The following DOCK4 variants were observed in gnomAD, a reference collection of about 807,000 sequenced individuals.
DOCK4 encodes dedicator of cytokinesis protein 4.
In DOCK4, 97 loss-of-function variants were observed where a neutral mutation model predicts 268.1. The observed-to-expected ratio is 0.36, with a 90% CI of 0.31 to 0.43. DOCK4 has a LOEUF of 0.43. Among genes scored for constraint, DOCK4 ranks in the 20% least tolerant of loss-of-function variants. The pLI, the probability that DOCK4 is intolerant of heterozygous loss-of-function variation, is 1.00. For missense variants in DOCK4, 2,145 were observed against 2,455.7 expected (o/e 0.87, Z 2.67); for synonymous variants, 954 against 887.2 (o/e 1.08, Z -1.34).
At chr7:111,789,049 G>T in intron 31 of DOCK4, 1 of 390,706 alleles carries the variant, frequency 2.6e-6, no homozygotes. Context: ...TTTTTTAGGA[G>T]CTAAAAAACT....
At chr7:112,098,466 A>G (rs1404992920) in intron 1 of DOCK4, among the ~76,000 whole-genome samples, 1 of 151,490 alleles carries the variant, frequency 6.6e-6, no homozygotes, top group Admixed American at 6.6e-5. Context: ...TGCAAGCCAC[A>G]GCGTCCAGCC....
At chr7:112,131,634 A>G (rs1396565320) in intron 1 of DOCK4, among the ~76,000 whole-genome samples, 2 of 152,196 alleles carry the variant, frequency 1.3e-5, no homozygotes, top group East Asian at 1.9e-4. Flanking sequence ...TGATACATAC[A>G]TTATTTATTC....
intron 23 of DOCK4, among the ~76,000 whole-genome samples, chr7:111,861,566 G>A (rs1259097432): frequency 6.6e-6 from 1 of 151,786 alleles, no homozygotes; most frequent in African/African-American, 2.4e-5. Flanking sequence ...GGCCAACATG[G>A]TGAAACCCCA....
chr7:111,838,515 A>G (rs1024380917), intron 25 of DOCK4, among the ~76,000 whole-genome samples: 1 of 152,226 alleles, frequency 6.6e-6, no homozygotes, highest in African/African-American at 2.4e-5. Context: ...AATAAGGATG[A>G]AACTCAAATA....
intron 12 of DOCK4, among the ~76,000 whole-genome samples, chr7:111,933,552 C>A (rs1794449424): frequency 1.3e-5 from 2 of 151,910 alleles, no homozygotes; most frequent in African/African-American, 4.8e-5. Flanking sequence ...GCCTTGGCCT[C>A]CCAAAGTGCT....
At chr7:111,791,592 G>A (rs574419022) in intron 30 of DOCK4, among the ~76,000 whole-genome samples, 5 of 152,048 alleles carry the variant, frequency 3.3e-5, no homozygotes, top group Admixed American at 1.3e-4. Flanking sequence ...GGATTTACAG[G>A]CACATGACAC....
chr7:111,903,570 A>G (rs1050412488), intron 13 of DOCK4, among the ~76,000 whole-genome samples: 4 of 152,152 alleles, frequency 2.6e-5, no homozygotes, highest in Non-Finnish European at 4.4e-5. Flanking sequence ...TAGACTTTCT[A>G]TTTCACTTGA....
chr7:111,741,348 A>G, intron 46 of DOCK4, 134 bp from the exon 47 acceptor site: 1 of 1,428,482 alleles, frequency 7.0e-7, no homozygotes, highest in Non-Finnish European at 9.5e-7. Flanking sequence ...AATATAATCA[A>G]ATGTTTGAGT....
intron 8 of DOCK4, among the ~76,000 whole-genome samples, chr7:111,959,414 T>A (rs374456449): frequency 6.6e-6 from 1 of 152,208 alleles, no homozygotes; most frequent in Non-Finnish European, 1.5e-5. Flanking sequence ...ATGCCCATGA[T>A]TGATGTTCAA....
chr7:111,978,133 C>T (rs907498664), intron 7 of DOCK4, among the ~76,000 whole-genome samples: 1 of 152,234 alleles, frequency 6.6e-6, no homozygotes, highest in African/African-American at 2.4e-5. Context: ...CACACCTTCA[C>T]AGAGCATCTA....
chr7:111,743,076 T>C (rs78023362), intron 44 of DOCK4, among the ~76,000 whole-genome samples: 3,827 of 152,172 alleles, frequency 0.025, 125 homozygotes, highest in African/African-American at 0.069. Context: ...GAGCAGGTCC[T>C]ACTTAAAAAA....
intron 1 of DOCK4, among the ~76,000 whole-genome samples, chr7:112,148,744 G>A (rs1815754211): frequency 6.6e-6 from 1 of 152,036 alleles, no homozygotes; most frequent in African/African-American, 2.4e-5. Flanking sequence ...GGGCTTTTTG[G>A]TTAAGAGCCC....
chr7:112,121,494 T>C (rs562384315), intron 1 of DOCK4, among the ~76,000 whole-genome samples: 5 of 152,324 alleles, frequency 3.3e-5, no homozygotes, highest in African/African-American at 1.2e-4. Context: ...CCACTTTATG[T>C]TCTCTCGGTC....
chr7:111,741,204 A>T lies in DOCK4; in HGVS notation c.4930T>A (p.Tyr1644Asn), dbSNP rs762671421. Residue 1644 changes from tyrosine (Y) to asparagine (N), a missense_variant, in exon 47 of 53, where the codon TAC becomes AAC. Tyr to Asn is a moderately radical substitution (Grantham distance 143). Transcript: ENST00000428084. ...RVIPRRSPLS[Y>N]PAVNRYSSSS... is the part of the protein sequence containing the mutation. Reference sequence around the variant, plus strand: ...GAAGAATATCGGTTGACAGCTGGGTAACTTAACGGGCTGTTTCAGGGGGAA... The same window carrying T: ...GAAGAATATCGGTTGACAGCTGGGTTACTTAACGGGCTGTTTCAGGGGGAA... 2 of 1,613,798 alleles carry T rather than the reference A, an allele frequency of 1.2e-6. No homozygotes were observed. The highest frequency in any genetic ancestry group is 1.7e-6 in the Non-Finnish European group (2 of 1,179,890).
At chr7:111,875,624 G>A (rs189467316) in intron 17 of DOCK4, among the ~76,000 whole-genome samples, 46 of 152,366 alleles carry the variant, frequency 3.0e-4, no homozygotes, top group Non-Finnish European at 4.4e-4. Flanking sequence ...ATGTAAGATG[G>A]TCATAGTCAG....
chr7:111,938,730 T>C (rs911003908), intron 11 of DOCK4, among the ~76,000 whole-genome samples: 1 of 152,186 alleles, frequency 6.6e-6, no homozygotes, highest in Non-Finnish European at 1.5e-5. Context: ...TAAGACCTTA[T>C]TTGAAAGAGC....
rs146425239 is a variant in DOCK4 at position 111,931,665 on chromosome 7, T to G, written c.1066+3875A>C. Among the ~76,000 whole-genome samples the G allele has an allele frequency of 4.0e-3, 602 of 152,292 alleles. 2 individuals carry two copies. Among genetic ancestry groups the G allele is most frequent in the African/African-American group, 0.014 (573 of 41,560 alleles). ...ATCCAACATATCAATAATCCAATTG[T>G]GTTATTCTAAAAGTCTTCATTAAGG... is the stretch of plus-strand genomic sequence containing the variant. On this transcript the variant is annotated intron_variant, in intron 12 of 52. Coordinates refer to ENST00000428084, the MANE Select transcript of DOCK4 (RefSeq NM_001363540.2).
intron 1 of DOCK4, among the ~76,000 whole-genome samples, chr7:112,199,782 CAG>C (rs1381722708): frequency 6.6e-6 from 1 of 152,072 alleles, no homozygotes; most frequent in African/African-American, 2.4e-5. Flanking sequence ...TTATAGTGAC[CAG>C]AGAGTGTTGT....
At chr7:111,820,009 C>T (rs1270055893) in intron 27 of DOCK4, 1 of 152,170 alleles carries the variant, frequency 6.6e-6, no homozygotes, top group Non-Finnish European at 1.5e-5. Flanking sequence ...TTTAAGATGT[C>T]CTTAACATCT....
Sources: allele counts gnomAD v4.1 joint callset (sites outside exome capture counted in the v4.1 genomes callset), GRCh38; gene constraint gnomAD v4.1.1; transcripts MANE v1.5; gene names NCBI Gene and HGNC (gene_info 2026-07-23, HGNC 2026-07-21).